LRP1B: variants seen among roughly 807,000 people sequenced by gnomAD.
The protein encoded by LRP1B is LDL receptor related protein 1B, also known as low-density lipoprotein receptor-related protein 1B.
A neutral mutation model predicts 556.6 loss-of-function variants in LRP1B; 217 were observed. The observed-to-expected ratio is 0.39, with a 90% CI of 0.35 to 0.44. The LOEUF is 0.44. Among genes scored for constraint, LRP1B ranks in the 20% least tolerant of loss-of-function variants. The pLI is 1.00. For missense variants in LRP1B, 5,053 were observed against 5,620.8 expected (o/e 0.90, Z 3.23); for synonymous variants, 2,047 against 1,865.8 (o/e 1.10, Z -2.50).
chr2:141,923,403 C>CTATATA (rs61682272), intron 1 of LRP1B, among the ~76,000 whole-genome samples: 1,411 of 102,070 alleles, frequency 0.014, 125 homozygotes, highest in African/African-American at 0.035. Context: ...ATCTCTGTCA[C>CTATATA]TATATATATA....
In LRP1B at chr2:141,055,096, GTTTTA is replaced by G; in HGVS notation, c.1552+15_1552+19del. The G allele has an allele frequency of 6.2e-7, 1 of 1,610,602 alleles. No homozygotes were observed. The highest frequency in any genetic ancestry group is 8.5e-7 in the Non-Finnish European group (1 of 1,178,154). On this transcript the variant is annotated intron_variant, in intron 10 of 90. Coordinates refer to ENST00000389484, the MANE Select transcript of LRP1B (RefSeq NM_018557.3). Reference sequence around the variant, plus strand: ...TCTAAAGGGGTAGCTGCTGGCAAATGTTTTATTTTAACAACATACTTTTGCATGAC... The same window carrying G: ...TCTAAAGGGGTAGCTGCTGGCAAATGTTTTAACAACATACTTTTGCATGAC...
chr2:140,530,853 G>A (rs768693862), intron 47 of LRP1B, among the ~76,000 whole-genome samples: 56 of 152,178 alleles, frequency 3.7e-4, no homozygotes, highest in African/African-American at 8.2e-4. Flanking sequence ...ACTGTTCTGC[G>A]CCCAAGAGTA....
chr2:140,569,125 A>T (rs1336335799), intron 43 of LRP1B, among the ~76,000 whole-genome samples: 1 of 152,048 alleles, frequency 6.6e-6, no homozygotes, highest in Non-Finnish European at 1.5e-5. Flanking sequence ...TCAACAAAAA[A>T]ACCACAATGA....
intron 3 of LRP1B, among the ~76,000 whole-genome samples, chr2:141,472,503 G>A (rs753699835): frequency 3.3e-5 from 5 of 152,058 alleles, no homozygotes; most frequent in African/African-American, 9.7e-5. Context: ...TTGTACCAGT[G>A]CACTCCAGCC....
At chr2:140,537,332 T>TA (rs2105006691) in intron 45 of LRP1B, among the ~76,000 whole-genome samples, 1 of 151,810 alleles carries the variant, frequency 6.6e-6, no homozygotes, top group South Asian at 2.1e-4. Flanking sequence ...TATTTTTCAA[T>TA]ATACTACTAT....
chr2:141,319,309 TG>T lies in LRP1B; in HGVS notation c.344-64669del, dbSNP rs200184939. Among the ~76,000 whole-genome samples, 677 of 87,482 alleles carry T rather than the reference TG, an allele frequency of 7.7e-3. 39 individuals carry two copies. Among genetic ancestry groups the T allele is most frequent in the East Asian group, 0.027 (79 of 2,900 alleles). The allele number at this position is 87,482 out of a possible 152,430, so 57.4% of individuals were successfully genotyped here. ...TCTCTAAAAAGCAGTGTTTTTTTGT[TG>T]TTTTTTTTTTTTTTCCTACTCTTAC... is the stretch of plus-strand genomic sequence containing the variant. On this transcript the variant is annotated intron_variant, in intron 3 of 90. Coordinates refer to ENST00000389484, the MANE Select transcript of LRP1B (RefSeq NM_018557.3).
intron 2 of LRP1B, among the ~76,000 whole-genome samples, chr2:141,777,105 CAAAA>C (rs1180508431): frequency 6.6e-6 from 1 of 152,088 alleles, no homozygotes; most frequent in Non-Finnish European, 1.5e-5. Context: ...TGAAAGCTGA[CAAAA>C]AGACTTTGGA....
At chr2:141,543,239 T>C (rs916035502) in intron 2 of LRP1B, among the ~76,000 whole-genome samples, 2 of 152,010 alleles carry the variant, frequency 1.3e-5, no homozygotes, top group African/African-American at 4.8e-5. Flanking sequence ...CCAATCATGG[T>C]GGCCCAGGCC....
intron 47 of LRP1B, among the ~76,000 whole-genome samples, chr2:140,528,649 T>G (rs1179900833): frequency 1.3e-5 from 2 of 151,842 alleles, no homozygotes; most frequent in African/African-American, 4.8e-5. Flanking sequence ...GTGTAGGGTT[T>G]GAGAACCACC....
rs13411300 is a variant in LRP1B at position 141,815,502 on chromosome 2, T to C, written c.83-5101A>G. Among the ~76,000 whole-genome samples the C allele has an allele frequency of 7.4e-3, 1,126 of 152,074 alleles. 18 individuals carry two copies. The highest frequency in any genetic ancestry group is 0.025 in the African/African-American group (1,040 of 41,468). ...AATGCACCAATCAGCACTCTGTAGCTAGCAAGGGATTGTAAAATGCACCAA... is the reference window on the plus strand; with the variant it reads ...AATGCACCAATCAGCACTCTGTAGCCAGCAAGGGATTGTAAAATGCACCAA... On this transcript the variant is annotated intron_variant, in intron 1 of 90. Coordinates refer to ENST00000389484, the MANE Select transcript of LRP1B (RefSeq NM_018557.3).
intron 32 of LRP1B, among the ~76,000 whole-genome samples, chr2:140,807,067 T>A (rs1262365838): frequency 6.6e-6 from 1 of 152,172 alleles, no homozygotes; most frequent in African/African-American, 2.4e-5. Context: ...CTGCTCCTCA[T>A]AAAGGCACTA....
chr2:140,489,774 A>G (rs1037251996), intron 57 of LRP1B, among the ~76,000 whole-genome samples: 3 of 152,100 alleles, frequency 2.0e-5, no homozygotes, highest in African/African-American at 7.2e-5. Flanking sequence ...AGAGAGAAAC[A>G]TGTCTCTAAC....
chr2:141,847,101 G>A lies in LRP1B; in HGVS notation c.83-36700C>T, dbSNP rs867907810. On this transcript the variant is annotated intron_variant, in intron 1 of 90. Coordinates refer to ENST00000389484, the MANE Select transcript of LRP1B (RefSeq NM_018557.3). ...GTTCACTTACATAGAAAATCTAAGG[G>A]AACAAATTTTAAAATCATTAGAACT... Among the ~76,000 whole-genome samples, 8 of 151,408 alleles carry A rather than the reference G, an allele frequency of 5.3e-5. 2 individuals carry two copies. The Middle Eastern group carries it at 0.027, about 515-fold the overall frequency.
At chr2:141,896,851 T>A (rs1182326423) in intron 1 of LRP1B, among the ~76,000 whole-genome samples, 1 of 152,164 alleles carries the variant, frequency 6.6e-6, no homozygotes. Flanking sequence ...CGAAATTGAT[T>A]TGCCCCACAT....
At chr2:140,606,848 C>CTCT (rs1399306987) in intron 41 of LRP1B, among the ~76,000 whole-genome samples, 2 of 151,836 alleles carry the variant, frequency 1.3e-5, no homozygotes, top group African/African-American at 4.8e-5. Flanking sequence ...GATGATGAAA[C>CTCT]TCTTAGGATA....
intron 31 of LRP1B, among the ~76,000 whole-genome samples, chr2:140,814,540 G>T (rs13432282): frequency 0.096 from 14,667 of 152,136 alleles, 1,019 homozygotes; most frequent in Non-Finnish European, 0.14. Context: ...GTTTTAATGT[G>T]TAATGACTCA....
intron 2 of LRP1B, among the ~76,000 whole-genome samples, chr2:141,611,666 ATGT>A (rs894819346): frequency 6.6e-6 from 1 of 152,324 alleles, no homozygotes; most frequent in African/African-American, 2.4e-5. Context: ...CAGTGAATTA[ATGT>A]TGTTATCTTA....
At chr2:141,763,445 G>A (rs984476316) in intron 2 of LRP1B, among the ~76,000 whole-genome samples, 8 of 152,024 alleles carry the variant, frequency 5.3e-5, no homozygotes, top group Non-Finnish European at 1.2e-4. Context: ...CAGGCTGAAT[G>A]CTCCCCCGAC....
chr2:140,291,418 G>A (rs577599985), intron 84 of LRP1B, among the ~76,000 whole-genome samples: 161 of 149,540 alleles, frequency 1.1e-3, no homozygotes, highest in Admixed American at 5.4e-3. Flanking sequence ...CCATTAACTC[G>A]TCATTTACAT....
Sources: gnomAD v4.1 joint callset for allele counts (sites outside exome capture counted in the v4.1 genomes callset) on GRCh38, gnomAD v4.1.1 for gene constraint, MANE v1.5 for transcripts, NCBI Gene and HGNC (gene_info 2026-07-23, HGNC 2026-07-21) for gene names.